ARHGEF12: variants seen among roughly 807,000 people sequenced by gnomAD.
ARHGEF12 encodes the protein Rho guanine nucleotide exchange factor 12, also known as KMT2A/ARHGEF12 fusion protein.
Under a neutral mutation model 211.2 loss-of-function variants are expected in ARHGEF12, and 66 were observed. That is an observed-to-expected ratio of 0.31 (90% CI 0.26 to 0.38). The LOEUF is 0.38. ARHGEF12 is among the 10% of genes least tolerant of loss of function. ARHGEF12 has a pLI of 1.00. For missense variants in ARHGEF12, 1,429 were observed against 1,869.5 expected, an observed-to-expected ratio of 0.76 and a Z score of 4.34; for synonymous variants, 592 against 638.4, an observed-to-expected ratio of 0.93 and a Z score of 1.09.
Position 120,336,489 on chromosome 11 carries a change from G to C in ARHGEF12, c.-755G>C, listed in dbSNP as rs1942349873. Among the ~76,000 whole-genome samples, 1 of 151,888 alleles carries C rather than the reference G, an allele frequency of 6.6e-6. No individual in the cohort carries two copies. The highest frequency in any genetic ancestry group is 1.5e-5 in the Non-Finnish European group (1 of 67,924). On this transcript the variant is annotated 5_prime_UTR_variant, in exon 1 of 41. Coordinates refer to ENST00000397843, the MANE Select transcript of ARHGEF12 (RefSeq NM_015313.3). ...CGGACCAGGGCTTCCAGGCCGGGCCGGACGGGCATCTCCCGCCCCTCGCGG... is the reference window on the plus strand; with the variant it reads ...CGGACCAGGGCTTCCAGGCCGGGCCCGACGGGCATCTCCCGCCCCTCGCGG...
At chr11:120,345,778 G>A (rs1301009784) in intron 1 of ARHGEF12, among the ~76,000 whole-genome samples, 1 of 151,404 alleles carries the variant, frequency 6.6e-6, no homozygotes, top group African/African-American at 2.4e-5. Context: ...TTTAGCCTTG[G>A]ACGTTAAAAA....
intron 1 of ARHGEF12, among the ~76,000 whole-genome samples, chr11:120,346,729 A>G (rs756488816): frequency 6.6e-6 from 1 of 152,202 alleles, no homozygotes; most frequent in African/African-American, 2.4e-5. Flanking sequence ...ATTCAAACAT[A>G]AACAGAAGTA....
chr11:120,395,056 C>CA (rs758953056), intron 1 of ARHGEF12, among the ~76,000 whole-genome samples: 2,225 of 33,848 alleles, frequency 0.066, 161 homozygotes, highest in African/African-American at 0.13. Flanking sequence ...GACTCTATCT[C>CA]AAAAAAAAAA....
chr11:120,362,671 A>G (rs1943309044), intron 1 of ARHGEF12, among the ~76,000 whole-genome samples: 1 of 152,228 alleles, frequency 6.6e-6, no homozygotes, highest in Non-Finnish European at 1.5e-5. Flanking sequence ...ATTATTTGGA[A>G]AGTATCTTCT....
At chr11:120,456,477 C>T (rs560472823) in intron 22 of ARHGEF12, among the ~76,000 whole-genome samples, 1 of 152,164 alleles carries the variant, frequency 6.6e-6, no homozygotes, top group African/African-American at 2.4e-5. Flanking sequence ...ACAAAATCCT[C>T]AGAGGGGAAA....
At chr11:120,392,128 G>A (rs559383347) in intron 1 of ARHGEF12, among the ~76,000 whole-genome samples, 1 of 152,010 alleles carries the variant, frequency 6.6e-6, no homozygotes, top group Non-Finnish European at 1.5e-5. Flanking sequence ...TACTCTCTTG[G>A]TCATTTTCTA....
intron 27 of ARHGEF12, chr11:120,464,194 A>G (rs1450224635): frequency 6.6e-6 from 1 of 152,208 alleles, no homozygotes; most frequent in Admixed American, 6.5e-5. Context: ...AGTGGGTTTT[A>G]TACTGAGTAA....
intron 1 of ARHGEF12, among the ~76,000 whole-genome samples, chr11:120,354,661 T>G (rs1407741057): frequency 1.3e-5 from 2 of 152,112 alleles, no homozygotes; most frequent in Admixed American, 6.5e-5. Flanking sequence ...CCCCAGAAAA[T>G]CTAGAAGAAA....
intron 15 of ARHGEF12, among the ~76,000 whole-genome samples, chr11:120,443,545 G>A (rs551730156): frequency 1.3e-5 from 2 of 152,080 alleles, no homozygotes; most frequent in South Asian, 2.1e-4. Context: ...CTCCTGCCCC[G>A]TTTTCTTTGT....
intron 1 of ARHGEF12, among the ~76,000 whole-genome samples, chr11:120,384,083 G>C (rs540104421): frequency 6.6e-6 from 1 of 152,278 alleles, no homozygotes; most frequent in South Asian, 2.1e-4. Flanking sequence ...CTCGGTATAG[G>C]TGGAGGAAGT....
rs1946051467 is a variant in ARHGEF12 at position 120,446,494 on chromosome 11, C to T, written c.1437C>T (p.His479=). The T allele has an allele frequency of 6.2e-7, 1 of 1,611,970 alleles. No homozygotes were observed. ...GAGTCCATCCAGAAGTTCAAAGGCA[C>T]TTAGAAGATTTTCGGTAAGCTTAGT... The part of the protein sequence containing the change: ...QERVHPEVQR[H]LEDFRQKRSM... Residue 479 remains histidine, a synonymous_variant, in exon 17 of 41, where the codon CAC becomes CAT. Coordinates refer to ENST00000397843, the MANE Select transcript of ARHGEF12 (RefSeq NM_015313.3).
intron 30 of ARHGEF12, among the ~76,000 whole-genome samples, chr11:120,471,464 A>C (rs1946866723): frequency 6.6e-6 from 1 of 152,222 alleles, no homozygotes; most frequent in Non-Finnish European, 1.5e-5. Flanking sequence ...AGGAGGTAGA[A>C]ATTAACTGGG....
chr11:120,459,286 T>G lies in ARHGEF12; in HGVS notation c.2493T>G (p.Ile831Met), dbSNP rs1946453179. Residue 831 changes from isoleucine to methionine, a missense_variant, in exon 26 of 41, where the codon ATT (isoleucine) becomes ATG (methionine). Transcript: ENST00000397843. Reference sequence around the variant, plus strand: ...TGTCACCCTCAGAGCTACGGAAAATTTTTTCAAACTTGGAAGATATTCTTC... The same window carrying G: ...TGTCACCCTCAGAGCTACGGAAAATGTTTTCAAACTTGGAAGATATTCTTC... ...GILSPSELRK[I>M]FSNLEDILQL... 2 of 1,613,278 alleles carry G rather than the reference T, an allele frequency of 1.2e-6. No individual in the cohort carries two copies. Among genetic ancestry groups the G allele is most frequent in the Non-Finnish European group, 1.7e-6 (2 of 1,179,626 alleles).
chr11:120,458,465 T>G (rs573635355), intron 25 of ARHGEF12: 7 of 446,716 alleles, frequency 1.6e-5, no homozygotes, highest in Non-Finnish European at 2.8e-5. Flanking sequence ...ATATTTAAGA[T>G]TCATAGCATT....
At chr11:120,375,044 G>A (rs1158807142) in intron 1 of ARHGEF12, among the ~76,000 whole-genome samples, 1 of 152,068 alleles carries the variant, frequency 6.6e-6, no homozygotes, top group African/African-American at 2.4e-5. Flanking sequence ...ATAAAGAATG[G>A]GTAGATGAAT....
intron 15 of ARHGEF12, among the ~76,000 whole-genome samples, chr11:120,442,438 A>G (rs1591597438): frequency 7.5e-6 from 1 of 133,584 alleles, no homozygotes; most frequent in East Asian, 2.2e-4. Flanking sequence ...ACACACACAC[A>G]CACACACACA....
chr11:120,361,767 A>C (rs1943284251), intron 1 of ARHGEF12, among the ~76,000 whole-genome samples: 1 of 152,238 alleles, frequency 6.6e-6, no homozygotes, highest in Non-Finnish European at 1.5e-5. Context: ...TGTACGTGGA[A>C]TACGTAAACT....
At chr11:120,410,506 C>T (rs1944851798) in intron 4 of ARHGEF12, 1 of 152,006 alleles carries the variant, frequency 6.6e-6, no homozygotes, top group Non-Finnish European at 1.5e-5. Context: ...TAGATGTTTC[C>T]TAGCTTGATA....
chr11:120,349,790 A>G (rs921111664), intron 1 of ARHGEF12, among the ~76,000 whole-genome samples: 1 of 152,226 alleles, frequency 6.6e-6, no homozygotes, highest in Non-Finnish European at 1.5e-5. Context: ...TAGAACTTTC[A>G]TCTGTGCTTG....
Sources: gnomAD v4.1 joint callset for allele counts (sites outside exome capture counted in the v4.1 genomes callset) on GRCh38, gnomAD v4.1.1 for gene constraint, MANE v1.5 for transcripts, NCBI Gene and HGNC (gene_info 2026-07-23, HGNC 2026-07-21) for gene names.